Variants in NBAS observed in about 807,000 individuals in gnomAD.
NBAS encodes the protein NAG/BC035112 fusion.
NBAS carries 219 observed loss-of-function variants against 302.5 expected under a neutral mutation model. The ratio of observed to expected loss-of-function variants is 0.72; its 90% confidence interval spans 0.65 to 0.81. NBAS has a LOEUF of 0.81. NBAS is among the 30% of genes least tolerant of loss of function. The probability of loss-of-function intolerance (pLI) is 0.00; values close to 1 mark genes in which losing one functional copy is unlikely to be tolerated. For synonymous variants in NBAS, 1,118 were observed against 1,021.6 expected (o/e 1.09, Z -1.80); for missense variants, 2,932 against 2,841.6 (o/e 1.03, Z -0.72).
the NBAS span, among the ~76,000 whole-genome samples, chr2:14,809,328 G>C: frequency 6.6e-6 from 1 of 152,176 alleles, no homozygotes; most frequent in Non-Finnish European, 1.5e-5. Context: ...AGGAAAAAAT[G>C]GGTCTGTGGG....
At chr2:14,785,498 G>A in the NBAS span, among the ~76,000 whole-genome samples, 80,795 of 151,884 alleles carry the variant, frequency 0.53, 24,372 homozygotes, top group African/African-American at 0.84. Context: ...TGTCCCATCA[G>A]TACTTAATTT....
intron 11 of NBAS, among the ~76,000 whole-genome samples, chr2:15,493,240 T>C (rs969870172): frequency 9.9e-5 from 15 of 152,244 alleles, no homozygotes; most frequent in African/African-American, 3.6e-4. Flanking sequence ...TAAACTTCCT[T>C]TCTTTATAAA....
intron 35 of NBAS, among the ~76,000 whole-genome samples, chr2:15,338,440 C>T (rs1328711731): frequency 3.0e-4 from 45 of 152,124 alleles, no homozygotes; most frequent in Non-Finnish European, 1.5e-5. Flanking sequence ...ACTGGTTATA[C>T]TACTTTTAGA....
chr2:15,552,273 G>A (rs1664418364), intron 5 of NBAS, among the ~76,000 whole-genome samples: 1 of 152,114 alleles, frequency 6.6e-6, no homozygotes, highest in African/African-American at 2.4e-5. Context: ...CCAGTATAAA[G>A]AGATTAAACT....
At chr2:15,440,288 C>T (rs1198351530) in intron 21 of NBAS, among the ~76,000 whole-genome samples, 1 of 152,150 alleles carries the variant, frequency 6.6e-6, no homozygotes, top group South Asian at 2.1e-4. Context: ...CTTCACACGG[C>T]CCGGTACTCC....
chr2:15,076,272 T>G, the NBAS span, among the ~76,000 whole-genome samples: 456 of 152,312 alleles, frequency 3.0e-3, 3 homozygotes, highest in African/African-American at 0.011. Flanking sequence ...AGTCTGATCA[T>G]GGAATATCTA....
At chr2:15,387,877 T>A (rs1011320181) in intron 28 of NBAS, among the ~76,000 whole-genome samples, 3 of 151,826 alleles carry the variant, frequency 2.0e-5, no homozygotes, top group Non-Finnish European at 4.4e-5. Flanking sequence ...CAAAGCGGTC[T>A]GCCCGCCTCC....
chr2:15,171,246 G>A (rs2125102400), intron 51 of NBAS, among the ~76,000 whole-genome samples: 2 of 152,114 alleles, frequency 1.3e-5, no homozygotes, highest in East Asian at 1.9e-4. Context: ...TACTCCCAAG[G>A]CACCTGAGGT....
At chr2:15,245,652 C>T (rs191404250) in intron 44 of NBAS, among the ~76,000 whole-genome samples, 2 of 85,524 alleles carry the variant, frequency 2.3e-5, no homozygotes, top group Non-Finnish European at 4.8e-5. Flanking sequence ...GATGGACGGA[C>T]GGACGGACGG....
intron 10 of NBAS, among the ~76,000 whole-genome samples, chr2:15,510,415 G>A (rs974915450): frequency 5.9e-5 from 9 of 152,076 alleles, no homozygotes; most frequent in Admixed American, 5.2e-4. Flanking sequence ...GACCATAAAC[G>A]GAGATAGTGG....
the NBAS span, among the ~76,000 whole-genome samples, chr2:15,069,583 G>A: frequency 2.6e-5 from 4 of 151,428 alleles, no homozygotes; most frequent in Non-Finnish European, 2.9e-5. Context: ...ACCTGTAAAA[G>A]AGATAGCAAA....
At chr2:14,848,954 G>A in the NBAS span, among the ~76,000 whole-genome samples, 2 of 139,350 alleles carry the variant, frequency 1.4e-5, no homozygotes, top group Non-Finnish European at 3.0e-5. Context: ...ACCAAAAGTA[G>A]ATAAAACCAC....
the NBAS span, among the ~76,000 whole-genome samples, chr2:14,790,649 CTT>C: frequency 2.4e-3 from 300 of 124,374 alleles, no homozygotes; most frequent in African/African-American, 8.7e-3. Flanking sequence ...GAATTCATGC[CTT>C]TTTTTTTTTT....
chr2:15,111,641 TG>T, the NBAS span, among the ~76,000 whole-genome samples: 1 of 151,922 alleles, frequency 6.6e-6, no homozygotes, highest in Non-Finnish European at 1.5e-5. Context: ...GAGCCAAAGT[TG>T]CTTTCCAAGA....
At chr2:15,362,936 G>C (rs1284018134) in intron 32 of NBAS, among the ~76,000 whole-genome samples, 1 of 152,046 alleles carries the variant, frequency 6.6e-6, no homozygotes, top group Non-Finnish European at 1.5e-5. Flanking sequence ...GAAAGAAAGA[G>C]ATGGGGCCAG....
the NBAS span, among the ~76,000 whole-genome samples, chr2:14,968,170 T>G: frequency 6.6e-6 from 1 of 152,190 alleles, no homozygotes; most frequent in Non-Finnish European, 1.5e-5. Flanking sequence ...GTGTTATCAG[T>G]GTTGACACCC....
At chr2:14,910,860 G>A in the NBAS span, among the ~76,000 whole-genome samples, 4 of 152,126 alleles carry the variant, frequency 2.6e-5, no homozygotes, top group Admixed American at 1.3e-4. Context: ...CAAAATAAGA[G>A]CCTTCAAAAT....
At chr2:14,972,687 A>G in the NBAS span, among the ~76,000 whole-genome samples, 15 of 152,328 alleles carry the variant, frequency 9.8e-5, no homozygotes, top group Non-Finnish European at 2.2e-4. Context: ...AGATCTCTAT[A>G]ATTCTAAAAG....
chr2:14,813,531 G>C, the NBAS span, among the ~76,000 whole-genome samples: 1 of 152,194 alleles, frequency 6.6e-6, no homozygotes, highest in Non-Finnish European at 1.5e-5. Context: ...AGGGTACCTA[G>C]TGGAAGAAAT....
Sources: allele counts gnomAD v4.1 joint callset (sites outside exome capture counted in the v4.1 genomes callset), GRCh38; gene constraint gnomAD v4.1.1; transcripts MANE v1.5; gene names NCBI Gene and HGNC (gene_info 2026-07-23, HGNC 2026-07-21).